Variants in DMD observed in about 807,000 individuals in gnomAD.
DMD encodes the protein dystrophin, also known as mutant dystrophin.
A neutral mutation model predicts 330.1 loss-of-function variants in DMD; 63 were observed. The observed-to-expected ratio is 0.19, with a 90% CI of 0.16 to 0.24. The LOEUF is 0.24. DMD is among the 10% of genes least tolerant of loss of function. The pLI, the probability that DMD is intolerant of heterozygous loss-of-function variation, is 1.00. For missense variants in DMD, 3,344 were observed against 2,684.1 expected (o/e 1.25, Z -5.43); for synonymous variants, 1,223 against 959.8 (o/e 1.27, Z -5.07).
At chrX:31,688,183 A>C (rs1186337488) in intron 52 of DMD, among the ~76,000 whole-genome samples, 1 of 111,140 alleles carries the variant, frequency 9.0e-6, no homozygotes, top group African/African-American at 3.3e-5. Context: ...TCCAGGAGCC[A>C]GTTTTTTGAA....
chrX:33,049,287 C>T (rs773181649), intron 1 of DMD, among the ~76,000 whole-genome samples: 1 of 111,568 alleles, frequency 9.0e-6, no homozygotes, highest in Non-Finnish European at 1.9e-5. Context: ...TTGTATCCCT[C>T]GACGTGCACC....
rs6631671 is a variant in DMD, at chrX:32,907,557, T to C, written c.94-57737A>G. ...TCAAAATTTGCTGTAATTTTCTTCC[T>C]TCAAAATCATCAGAATTCTGGTAAA... On this transcript the variant is annotated intron_variant, in intron 2 of 78. Transcript: ENST00000357033. Among the ~76,000 whole-genome samples the C allele has an allele frequency of 6.3e-3, 707 of 111,612 alleles. 30 individuals carry two copies. The East Asian group carries it at 0.14, about 22-fold the overall frequency.
At chrX:32,689,814 T>C in intron 9 of DMD, among the ~76,000 whole-genome samples, 1 of 111,302 alleles carries the variant, frequency 9.0e-6, no homozygotes, top group South Asian at 3.8e-4. Context: ...TTTCATTAGA[T>C]GCTGAAAACT....
chrX:33,202,240 C>A (rs953785542), intron 1 of DMD, among the ~76,000 whole-genome samples: 10 of 111,359 alleles, frequency 9.0e-5, no homozygotes, highest in Non-Finnish European at 1.5e-4. Context: ...TTTTAGAATT[C>A]TATTAAAATC....
intron 7 of DMD, among the ~76,000 whole-genome samples, chrX:32,806,012 G>A (rs756431788): frequency 1.8e-5 from 2 of 111,793 alleles, no homozygotes; most frequent in South Asian, 7.5e-4. Flanking sequence ...ACACCATGAA[G>A]AAACTGCATC....
chrX:31,346,767 G>C (rs1170103982), intron 61 of DMD, among the ~76,000 whole-genome samples: 1 of 109,365 alleles, frequency 9.1e-6, no homozygotes, highest in Admixed American at 9.8e-5. Flanking sequence ...GGGAGGCCAA[G>C]GCGAGTGGAT....
intron 50 of DMD, among the ~76,000 whole-genome samples, chrX:31,795,233 G>T (rs1470116252): frequency 8.9e-6 from 1 of 111,977 alleles, no homozygotes; most frequent in Non-Finnish European, 1.9e-5. Flanking sequence ...CTTGGTTCAG[G>T]AAGAAAAGTT....
chrX:33,070,874 C>T (rs1294576106), intron 1 of DMD, among the ~76,000 whole-genome samples: 2 of 107,106 alleles, frequency 1.9e-5, no homozygotes, highest in African/African-American at 3.4e-5. Context: ...AAAAAAGGGC[C>T]CCCTTAGCCT....
chrX:32,905,779 G>T (rs1057079903), intron 2 of DMD, among the ~76,000 whole-genome samples: 1 of 110,781 alleles, frequency 9.0e-6, no homozygotes, highest in Admixed American at 9.7e-5. Context: ...CTTTATTATG[G>T]TGGGTTGACC....
intron 55 of DMD, among the ~76,000 whole-genome samples, chrX:31,558,679 T>TAC (rs2075004165): frequency 1.8e-5 from 2 of 111,101 alleles, no homozygotes; most frequent in African/African-American, 6.5e-5. Context: ...TGCGTATATA[T>TAC]ATATATGGAC....
chrX:32,913,022 GTTTTTT>G (rs2087436694), intron 2 of DMD, among the ~76,000 whole-genome samples: 1 of 111,965 alleles, frequency 8.9e-6, no homozygotes, highest in African/African-American at 3.2e-5. Context: ...TTTTGTTTTT[GTTTTTT>G]AAATCTGAAA....
intron 52 of DMD, among the ~76,000 whole-genome samples, chrX:31,713,764 G>T (rs1008359740): frequency 9.0e-6 from 1 of 111,475 alleles, no homozygotes; most frequent in Non-Finnish European, 1.9e-5. Flanking sequence ...CTGTATCATG[G>T]TTTCCTTGGA....
intron 55 of DMD, among the ~76,000 whole-genome samples, chrX:31,574,434 T>C (rs5972412): frequency 0.026 from 2,937 of 111,137 alleles, 43 homozygotes; most frequent in African/African-American, 0.052. Flanking sequence ...TGAGCCACTG[T>C]GCCCGGCTGC....
intron 7 of DMD, 147 bp from the exon 8 acceptor site, chrX:32,699,440 A>G: frequency 1.9e-6 from 1 of 515,902 alleles, no homozygotes; most frequent in East Asian, 3.6e-5. Flanking sequence ...TAATTAGAAC[A>G]TGAGAATGAG....
Position 32,789,061 on chromosome X carries a change from CTGTT to C in DMD, c.649+20428_649+20431del, listed in dbSNP as rs368095689. Among the ~76,000 whole-genome samples the C allele has an allele frequency of 2.5e-3, 279 of 111,952 alleles. 1 individual carries two copies. The highest frequency in any genetic ancestry group is 7.8e-3 in the African/African-American group (240 of 30,813). The stretch of plus-strand genomic sequence containing the variant: ...TCACCTGGGCAACCCTTGCTGGAAA[CTGTT>C]TGAGTCAGAGTACCATTCTATCACA... On this transcript the variant is annotated intron_variant, in intron 7 of 78. Coordinates refer to ENST00000357033, the MANE Select transcript of DMD (RefSeq NM_004006.3).
chrX:31,853,354 T>C (rs2093563653), intron 48 of DMD, among the ~76,000 whole-genome samples: 1 of 112,604 alleles, frequency 8.9e-6, no homozygotes, highest in South Asian at 3.6e-4. Flanking sequence ...TAACTCTTTA[T>C]TTCTGAAAAT....
chrX:32,426,399 T>C (rs1177981446), intron 29 of DMD, among the ~76,000 whole-genome samples: 1 of 111,572 alleles, frequency 9.0e-6, no homozygotes, highest in Non-Finnish European at 1.9e-5. Context: ...CACCAACCAT[T>C]AGAGAAGTGC....
intron 2 of DMD, among the ~76,000 whole-genome samples, chrX:32,944,625 T>A (rs1182443318): frequency 9.7e-6 from 1 of 103,061 alleles, no homozygotes; most frequent in Non-Finnish European, 2.0e-5. Context: ...TTTTTTTTTA[T>A]ACAGAGTCTT....
At chrX:32,229,161 TCTC>T (rs752736015) in intron 43 of DMD, among the ~76,000 whole-genome samples, 2 of 111,007 alleles carry the variant, frequency 1.8e-5, no homozygotes, top group Non-Finnish European at 3.8e-5. Context: ...AAATCCTACT[TCTC>T]CTATAATATA....
Sources: gnomAD v4.1 joint callset for allele counts (sites outside exome capture counted in the v4.1 genomes callset) on GRCh38, gnomAD v4.1.1 for gene constraint, MANE v1.5 for transcripts, NCBI Gene and HGNC (gene_info 2026-07-23, HGNC 2026-07-21) for gene names.